Variants in COL4A3 observed in about 807,000 individuals in gnomAD.
COL4A3 encodes collagen alpha-3(IV) chain.
A neutral mutation model predicts 217.4 loss-of-function variants in COL4A3; 135 were observed. The ratio of observed to expected loss-of-function variants is 0.62; its 90% CI spans 0.54 to 0.72. The LOEUF (loss-of-function observed/expected upper bound fraction) is 0.72. Among genes scored for constraint, COL4A3 ranks in the 30% least tolerant of loss-of-function variants. COL4A3 has a pLI of 0.00. For missense variants in COL4A3, 1,868 were observed against 2,119.9 expected, an observed-to-expected ratio of 0.88 and a Z score of 2.33; for synonymous variants, 690 against 736.3, an observed-to-expected ratio of 0.94 and a Z score of 1.02.
intron 1 of COL4A3, among the ~76,000 whole-genome samples, chr2:227,206,772 A>T (rs1473426175): frequency 6.6e-6 from 1 of 152,170 alleles, no homozygotes; most frequent in Non-Finnish European, 1.5e-5. Flanking sequence ...ATAACGACGA[A>T]AATCACTGAC....
At chr2:227,277,989 T>C (rs2071695368) in intron 28 of COL4A3, among the ~76,000 whole-genome samples, 1 of 152,182 alleles carries the variant, frequency 6.6e-6, no homozygotes, top group East Asian at 1.9e-4. Flanking sequence ...GTGAATTAAT[T>C]GAATTTTTTA....
intron 24 of COL4A3, 120 bp downstream of exon 24, chr2:227,270,100 C>T (rs1183057901): frequency 2.7e-6 from 2 of 730,226 alleles, no homozygotes; most frequent in Non-Finnish European, 4.9e-6. Context: ...TAATAGATAC[C>T]TGTTGATTAA....
intron 18 of COL4A3, among the ~76,000 whole-genome samples, chr2:227,258,116 G>A (rs990209512): frequency 6.6e-6 from 1 of 152,208 alleles, no homozygotes; most frequent in Non-Finnish European, 1.5e-5. Flanking sequence ...CCTAACTGCA[G>A]AGCAGCCACA....
intron 33 of COL4A3, 93 bp downstream of exon 33, chr2:227,283,949 A>G: frequency 8.4e-7 from 1 of 1,193,532 alleles, no homozygotes; most frequent in Non-Finnish European, 1.2e-6. Context: ...TGGAGGGAAA[A>G]ATAGTTCTGA....
rs573870869 is a variant in COL4A3, at chr2:227,297,597, C to T, written c.3566-77C>T. Reference sequence around the variant, plus strand: ...TGAACACTTTTAAGCAAAGTACCTACATTATTAAAGATAGTCAAGAACTCT... The same window carrying T: ...TGAACACTTTTAAGCAAAGTACCTATATTATTAAAGATAGTCAAGAACTCT... On this transcript the variant is annotated intron_variant, in intron 41 of 51. Transcript: ENST00000396578. 7 of 1,365,752 alleles carry T rather than the reference C, an allele frequency of 5.1e-6. No individual in the cohort carries two copies. In the East Asian group the frequency reaches 7.4e-5, roughly 14 times the overall value. The allele number at this position is 1,365,752 out of a possible 1,614,324, so 84.6% of individuals were successfully genotyped here.
At chr2:227,225,949 T>C (rs893262293) in intron 1 of COL4A3, among the ~76,000 whole-genome samples, 1 of 152,128 alleles carries the variant, frequency 6.6e-6, no homozygotes, top group Non-Finnish European at 1.5e-5. Flanking sequence ...TGACTTCAAG[T>C]AATCCACCCG....
At chr2:227,218,405 G>A (rs2067620574) in intron 1 of COL4A3, among the ~76,000 whole-genome samples, 1 of 152,118 alleles carries the variant, frequency 6.6e-6, no homozygotes, top group African/African-American at 2.4e-5. Context: ...GGAGGAGCTT[G>A]CAGTGAGTGG....
rs1003207322 is a variant in COL4A3 at position 227,314,649 on chromosome 2, T to C, written c.*2779T>C. The C allele has an allele frequency of 6.6e-6, 1 of 152,316 alleles. No individual in the cohort carries two copies. The highest frequency in any genetic ancestry group is 1.5e-5 in the Non-Finnish European group (1 of 67,980). The allele number at this position is 152,316 out of a possible 1,614,324, so 9.4% of individuals were successfully genotyped here. A position where few individuals can be genotyped will look rare whatever the true frequency, so the allele number is the denominator to read the frequency against. On this transcript the variant is annotated 3_prime_UTR_variant, in exon 52 of 52. Transcript: ENST00000396578. ...ATTTAATATTTACTCTATAACCAAA[T>C]GAAATATATTTAAAATATATTGAAT...
intron 28 of COL4A3, 191 bp from the exon 29 acceptor site, chr2:227,279,602 T>C: frequency 1.7e-6 from 1 of 572,300 alleles, no homozygotes. Flanking sequence ...TAGAGAAAGT[T>C]ATTTTTTCAA....
At chr2:227,202,510 C>T (rs572786970) in intron 1 of COL4A3, among the ~76,000 whole-genome samples, 140 of 150,352 alleles carry the variant, frequency 9.3e-4, no homozygotes, top group African/African-American at 3.2e-3. Flanking sequence ...TTTGGGAGGC[C>T]GAGGCGGGCG....
At chr2:227,270,668 T>A in intron 24 of COL4A3, 102 bp from the exon 25 acceptor site, 1 of 1,182,098 alleles carries the variant, frequency 8.5e-7, no homozygotes, top group East Asian at 2.5e-5. Context: ...GTTGAAAAAA[T>A]TCATGTTAAA....
intron 1 of COL4A3, among the ~76,000 whole-genome samples, chr2:227,211,253 C>A (rs183921053): frequency 1.3e-5 from 2 of 152,154 alleles, no homozygotes; most frequent in Non-Finnish European, 2.9e-5. Context: ...CCCACCTCGG[C>A]CTCCCAAAGT....
chr2:227,217,309 A>G lies in COL4A3; in HGVS notation c.88-20659A>G, dbSNP rs540504461. Among the ~76,000 whole-genome samples the G allele has an allele frequency of 3.2e-4, 49 of 152,354 alleles. No homozygotes were observed. In the South Asian group the frequency reaches 0.01, roughly 32 times the overall value. On this transcript the variant is annotated intron_variant, in intron 1 of 51. Transcript: ENST00000396578. ...TGGGAATTATGGGAGCTACAATTCA[A>G]GATGAGATTTGGGTGGGGACACAGC...
intron 3 of COL4A3, 45 bp downstream of exon 3, chr2:227,240,277 C>T (rs1559857019): frequency 1.3e-6 from 2 of 1,525,210 alleles, no homozygotes; most frequent in Non-Finnish European, 1.8e-6. Context: ...CCACCTAACC[C>T]TCTTCCTGCC....
intron 1 of COL4A3, among the ~76,000 whole-genome samples, chr2:227,190,737 T>G (rs1658433700): frequency 6.6e-6 from 1 of 152,124 alleles, no homozygotes; most frequent in African/African-American, 2.4e-5. Context: ...CGAAACCTCG[T>G]CTCTACAAAA....
Position 227,312,152 on chromosome 2 carries a change from A to G in COL4A3, c.*282A>G, listed in dbSNP as rs976746420. 1 of 397,218 alleles carries G rather than the reference A, an allele frequency of 2.5e-6. No homozygotes were observed. Among genetic ancestry groups the G allele is most frequent in the Non-Finnish European group, 4.7e-6 (1 of 213,350 alleles). 24.6% of individuals were successfully genotyped at this position (397,218 alleles called of 1,614,324 possible). On this transcript the variant is annotated 3_prime_UTR_variant, in exon 52 of 52. Transcript: ENST00000396578. ...TTCCACTTACATCCAAGGCACTGTC[A>G]CTACGGTGATTGTATGAAGTTTGAA...
intron 27 of COL4A3, 44 bp from the exon 28 acceptor site, chr2:227,277,405 G>GA (rs1388362848): frequency 8.6e-7 from 1 of 1,168,850 alleles, no homozygotes; most frequent in South Asian, 1.3e-5. Flanking sequence ...TAAGATGAAG[G>GA]AAAGTTGCTG....
At chr2:227,172,694 C>A (rs1371745710) in intron 1 of COL4A3, among the ~76,000 whole-genome samples, 5 of 145,838 alleles carry the variant, frequency 3.4e-5, no homozygotes, top group African/African-American at 1.3e-4. Context: ...TCAAGCAATT[C>A]TCCTGCCTCA....
intron 43 of COL4A3, among the ~76,000 whole-genome samples, chr2:227,302,667 A>G (rs1282176424): frequency 3.0e-5 from 4 of 133,060 alleles, no homozygotes; most frequent in Middle Eastern, 3.8e-3. Context: ...ACAAAACGAG[A>G]CTCTTTCTCC....
Sources: gnomAD v4.1 joint callset for allele counts (sites outside exome capture counted in the v4.1 genomes callset) on GRCh38, gnomAD v4.1.1 for gene constraint, MANE v1.5 for transcripts, NCBI Gene and HGNC (gene_info 2026-07-23, HGNC 2026-07-21) for gene names.